Variants in SCNN1B observed in about 807,000 individuals in gnomAD.
The protein encoded by SCNN1B is sodium channel epithelial 1 subunit beta.
A neutral mutation model predicts 65.3 loss-of-function variants in SCNN1B; 46 were observed. That is an observed-to-expected ratio of 0.70 (90% CI 0.56 to 0.90). The LOEUF is 0.90. Ranked by LOEUF, SCNN1B falls within the 40% of genes least tolerant of loss-of-function variation. The pLI is 0.00. For synonymous variants in SCNN1B, 349 were observed against 330.6 expected (o/e 1.06, Z -0.60); for missense variants, 751 against 830.5 (o/e 0.90, Z 1.18).
At chr16:23,354,796 T>C (rs933836525) in intron 3 of SCNN1B, among the ~76,000 whole-genome samples, 2 of 152,134 alleles carry the variant, frequency 1.3e-5, no homozygotes, top group Admixed American at 1.3e-4. Flanking sequence ...GATGGATGTG[T>C]GTTACAATGA....
At position 23,380,731 on chromosome 16, in the gene SCNN1B, C is replaced by T. The variant is rs137852705; in HGVS notation, c.1853C>T (p.Pro618Leu). The T allele has an allele frequency of 1.2e-6, 2 of 1,612,648 alleles. No homozygotes were observed. Among genetic ancestry groups the T allele is most frequent in the Non-Finnish European group, 1.7e-6 (2 of 1,179,808 alleles). The change falls in exon 13 of 13, where the codon CCC (proline) becomes CTC (leucine). Residue 618 changes from proline to leucine, a missense_variant. Transcript: ENST00000343070. The surrounding 1 kb of genome is among the most constrained non-coding windows in gnomAD (Gnocchi z 5.4). ...QALPIPGTPP[P>L]NYDSLRLQPL... is the part of the protein sequence containing the mutation. ...CTGCCCATCCCAGGCACCCCGCCCC[C>T]CAACTATGACTCCCTGCGTCTGCAG...
intron 1 of SCNN1B, among the ~76,000 whole-genome samples, chr16:23,309,535 C>A (rs973391115): frequency 2.6e-5 from 4 of 152,184 alleles, no homozygotes; most frequent in Non-Finnish European, 4.4e-5. Flanking sequence ...GCAAGGAAGC[C>A]AGTCCGAGCC....
In SCNN1B at chr16:23,348,710, C is replaced by T; in HGVS notation, c.111C>T (p.Gly37=). The T allele has an allele frequency of 1.2e-6, 2 of 1,614,130 alleles. No individual in the cohort carries two copies. The highest frequency in any genetic ancestry group is 1.7e-6 in the Non-Finnish European group (2 of 1,180,036). Residue 37 remains glycine (G), a synonymous_variant, in exon 2 of 13, where the codon GGC becomes GGT. Transcript: ENST00000343070. This position sits in a 1 kb window ranked among gnomAD's most constrained non-coding sequence, Gnocchi z 4.5. ...ACTGCGACAACACCAACACCCACGG[C>T]CCCAAGCGCATCATCTGTGAGGGGC... ...VWYCDNTNTH[G]PKRIICEGPK... is the part of the protein sequence containing the mutation.
intron 1 of SCNN1B, among the ~76,000 whole-genome samples, chr16:23,338,675 A>G (rs949675275): frequency 6.6e-6 from 1 of 152,218 alleles, no homozygotes; most frequent in Non-Finnish European, 1.5e-5. Context: ...TGGAATGGGA[A>G]GAATTGGGGT....
upstream of SCNN1B, among the ~76,000 whole-genome samples, chr16:23,302,050 G>A (rs1465084418): frequency 2.0e-5 from 3 of 152,248 alleles, no homozygotes; most frequent in East Asian, 5.8e-4. Flanking sequence ...TCGGATGAGG[G>A]GTCTGTGGAC....
chr16:23,318,749 A>G (rs2141992292), intron 1 of SCNN1B, among the ~76,000 whole-genome samples: 2 of 152,382 alleles, frequency 1.3e-5, no homozygotes, highest in South Asian at 4.1e-4. Flanking sequence ...ACAGTAAAAG[A>G]TCACTAAGGG....
intron 2 of SCNN1B, among the ~76,000 whole-genome samples, chr16:23,288,636 T>G (rs770170543): frequency 1.3e-5 from 2 of 152,116 alleles, no homozygotes; most frequent in Non-Finnish European, 2.9e-5. Context: ...AAACCCTGCC[T>G]CTACAAAAAA....
chr16:23,354,916 G>C (rs535612121), intron 3 of SCNN1B, among the ~76,000 whole-genome samples: 1 of 152,192 alleles, frequency 6.6e-6, no homozygotes, highest in African/African-American at 2.4e-5. Context: ...GGTGAGGCTG[G>C]TGGCTGTAAA....
rs1321796744 is a variant in SCNN1B at position 23,325,930 on chromosome 16, A to AATAAATGC, written c.-8-22661_-8-22660insTAAATGCA. 4.1e-5 allele frequency among the ~76,000 whole-genome samples: 6 copies of AATAAATGC among 144,762 alleles called. No homozygotes were observed. In the South Asian group the frequency reaches 1.1e-3, roughly 26 times the overall value. The allele number at this position is 144,762 out of a possible 152,430, so 95.0% of individuals were successfully genotyped here. ...ATAAATAAATAAATAAATATAAATA[A>AATAAATGC]AAGCCACACAGCTGTAGTCTCAGCT... is the stretch of plus-strand genomic sequence containing the variant. On this transcript the variant is annotated intron_variant, in intron 1 of 12. Coordinates refer to ENST00000343070, the MANE Select transcript of SCNN1B (RefSeq NM_000336.3).
At chr16:23,354,073 C>T (rs943324242) in intron 3 of SCNN1B, among the ~76,000 whole-genome samples, 7 of 152,222 alleles carry the variant, frequency 4.6e-5, no homozygotes, top group African/African-American at 1.7e-4. Flanking sequence ...TGCTCACACT[C>T]ATGGCGTTAT....
intron 8 of SCNN1B, among the ~76,000 whole-genome samples, chr16:23,376,708 G>C (rs1197701254): frequency 7.1e-6 from 1 of 140,168 alleles, no homozygotes; most frequent in African/African-American, 2.7e-5. Context: ...CCAGGAGTTC[G>C]AGACCAGCCT....
Position 23,348,901 on chromosome 16 carries a change from GCCCCTT to G in SCNN1B, c.304_309del (p.Pro102_Phe103del), listed in dbSNP as rs1207430910. On this transcript the variant is annotated inframe_deletion, in exon 2 of 13. Coordinates refer to ENST00000343070, the MANE Select transcript of SCNN1B (RefSeq NM_000336.3). This position sits in a 1 kb window ranked among gnomAD's most constrained non-coding sequence, Gnocchi z 4.5. ...CCTGCCGTCACCATCTGCAATGCTA[GCCCCTT>G]CAAGTAGGTGGCCCCGGAGTGCACA... is the stretch of plus-strand genomic sequence containing the variant. 6.2e-7 allele frequency: 1 copy of G among 1,614,004 alleles called. No individual in the cohort carries two copies. Among genetic ancestry groups the G allele is most frequent in the Non-Finnish European group, 8.5e-7 (1 of 1,180,002 alleles).
intron 11 of SCNN1B, among the ~76,000 whole-genome samples, chr16:23,379,841 T>C (rs1468490527): frequency 6.6e-6 from 1 of 152,160 alleles, no homozygotes; most frequent in Non-Finnish European, 1.5e-5. Context: ...AGGGCTGCAC[T>C]TGCAGTTCTC....
chr16:23,353,151 T>G (rs546976718), intron 3 of SCNN1B, 77 bp downstream of exon 3: 25 of 1,499,928 alleles, frequency 1.7e-5, no homozygotes, highest in Non-Finnish European at 2.3e-5. Flanking sequence ...TCTGTAGTAA[T>G]TTGAGTCTCG....
chr16:23,346,200 C>CTTTTTT (rs753802362), intron 1 of SCNN1B, among the ~76,000 whole-genome samples: 2,286 of 77,994 alleles, frequency 0.029, 214 homozygotes, highest in African/African-American at 0.048. Flanking sequence ...TTTTCCTTTT[C>CTTTTTT]TTTTTTTTTT....
At chr16:23,305,827 A>G (rs1433844331) in intron 1 of SCNN1B, among the ~76,000 whole-genome samples, 1 of 151,762 alleles carries the variant, frequency 6.6e-6, no homozygotes, top group East Asian at 1.9e-4. Context: ...TGGAGCAGGC[A>G]CCCTGCAGGG....
intron 7 of SCNN1B, among the ~76,000 whole-genome samples, chr16:23,374,786 G>A (rs969314004): frequency 6.6e-6 from 1 of 151,854 alleles, no homozygotes; most frequent in Non-Finnish European, 1.5e-5. Flanking sequence ...CAGGAGCGCA[G>A]GTGTGGAGGG....
At chr16:23,355,616 G>GAAAAC in intron 4 of SCNN1B, 127 bp downstream of exon 4, 1 of 933,618 alleles carries the variant, frequency 1.1e-6, no homozygotes, top group Non-Finnish European at 1.7e-6. Flanking sequence ...CTGCAGCACA[G>GAAAAC]TTTTCTGTGC....
intron 2 of SCNN1B, among the ~76,000 whole-genome samples, chr16:23,351,053 C>T (rs923914581): frequency 6.6e-6 from 1 of 152,160 alleles, no homozygotes. Flanking sequence ...TCAGCATGGC[C>T]AACATGGTGA....
Sources: allele counts gnomAD v4.1 joint callset (sites outside exome capture counted in the v4.1 genomes callset), GRCh38; gene constraint gnomAD v4.1.1; non-coding constraint Gnocchi (gnomAD v3.1); transcripts MANE v1.5; gene names NCBI Gene and HGNC (gene_info 2026-07-23, HGNC 2026-07-21).